The following GRHL2 variants were observed in gnomAD, a reference collection of about 807,000 sequenced individuals.
GRHL2 encodes the protein grainyhead-like protein 2 homolog.
GRHL2 carries 21 observed loss-of-function variants against 83.8 expected under a neutral mutation model. The observed-to-expected ratio is 0.25, with a 90% CI of 0.18 to 0.36. The LOEUF (loss-of-function observed/expected upper bound fraction) is 0.36, where lower values mean the gene tolerates loss of function less well. Among genes scored for constraint, GRHL2 ranks in the 10% least tolerant of loss-of-function variants. The pLI, the probability that GRHL2 is intolerant of heterozygous loss-of-function variation, is 1.00. For synonymous variants in GRHL2, 280 were observed against 278.9 expected (o/e 1.00, Z -0.04); for missense variants, 623 against 781.8 (o/e 0.80, Z 2.42).
chr8:101,674,480 C>A (rs1814260782), downstream of GRHL2, among the ~76,000 whole-genome samples: 1 of 152,124 alleles, frequency 6.6e-6, no homozygotes, highest in South Asian at 2.1e-4. Flanking sequence ...AATTCCTCGA[C>A]ACATACACCC....
chr8:101,639,711 G>A (rs1416826911), intron 12 of GRHL2, among the ~76,000 whole-genome samples: 2 of 152,188 alleles, frequency 1.3e-5, no homozygotes, highest in Non-Finnish European at 2.9e-5. Flanking sequence ...GACCTAGATT[G>A]TGACAAGCCC....
At chr8:101,603,826 G>C (rs962386344) in intron 8 of GRHL2, among the ~76,000 whole-genome samples, 1 of 152,036 alleles carries the variant, frequency 6.6e-6, no homozygotes, top group Non-Finnish European at 1.5e-5. Flanking sequence ...TATCTAGGAG[G>C]ACAAGGTTCT....
chr8:101,593,263 C>A (rs1812324873), intron 7 of GRHL2, among the ~76,000 whole-genome samples: 1 of 152,130 alleles, frequency 6.6e-6, no homozygotes, highest in Non-Finnish European at 1.5e-5. Flanking sequence ...TTTTTTTAAA[C>A]CTGTTTCAGC....
At chr8:101,613,054 G>C (rs1164726227) in intron 8 of GRHL2, among the ~76,000 whole-genome samples, 2 of 150,900 alleles carry the variant, frequency 1.3e-5, no homozygotes, top group African/African-American at 2.5e-5. Context: ...GGTCAAGGCA[G>C]GTATTTCCGA....
intron 7 of GRHL2, among the ~76,000 whole-genome samples, chr8:101,582,094 C>T (rs575004685): frequency 2.6e-4 from 40 of 152,132 alleles, no homozygotes; most frequent in African/African-American, 7.2e-4. Flanking sequence ...AAAAATTAGC[C>T]GGACGTGGTG....
intron 11 of GRHL2, 69 bp from the exon 12 acceptor site, chr8:101,636,828 G>C (rs1040148206): frequency 1.4e-6 from 2 of 1,383,560 alleles, no homozygotes; most frequent in Non-Finnish European, 1.0e-6. Context: ...AGGAAAGTCT[G>C]TACATCACGT....
At chr8:101,643,352 T>C (rs955550212) in intron 12 of GRHL2, among the ~76,000 whole-genome samples, 1 of 138,800 alleles carries the variant, frequency 7.2e-6, no homozygotes, top group African/African-American at 2.8e-5. Flanking sequence ...TTCTATCCTC[T>C]TAGTTTCTGT....
chr8:101,546,205 TTAATA>T, intron 2 of GRHL2, among the ~76,000 whole-genome samples: 1 of 152,276 alleles, frequency 6.6e-6, no homozygotes, highest in Middle Eastern at 3.4e-3. Context: ...TAATGTTAAA[TTAATA>T]TGTCAGTTAA....
chr8:101,674,266 G>A (rs567739320), downstream of GRHL2, among the ~76,000 whole-genome samples: 1 of 152,094 alleles, frequency 6.6e-6, no homozygotes, highest in Non-Finnish European at 1.5e-5. Context: ...AATGAATCCA[G>A]GAGCTGGTCT....
intron 8 of GRHL2, among the ~76,000 whole-genome samples, chr8:101,605,601 A>G (rs1481314824): frequency 6.6e-6 from 1 of 152,160 alleles, no homozygotes; most frequent in South Asian, 2.1e-4. Flanking sequence ...CCCCACAAAG[A>G]TGGGCCTGCT....
At chr8:101,519,123 ATC>A (rs1356725816) in intron 1 of GRHL2, among the ~76,000 whole-genome samples, 1 of 151,634 alleles carries the variant, frequency 6.6e-6, no homozygotes, top group African/African-American at 2.4e-5. Flanking sequence ...TTCACCTGAA[ATC>A]TCTACTCATT....
At chr8:101,674,763 A>G in the GRHL2 span, among the ~76,000 whole-genome samples, 16 of 152,170 alleles carry the variant, frequency 1.1e-4, no homozygotes, top group Non-Finnish European at 2.2e-4. Flanking sequence ...CAAAAAAGGG[A>G]ATTTTAGACC....
chr8:101,611,935 A>G (rs2130349850), intron 8 of GRHL2, among the ~76,000 whole-genome samples: 1 of 150,944 alleles, frequency 6.6e-6, no homozygotes, highest in Admixed American at 6.6e-5. Flanking sequence ...TCCTGTCTCA[A>G]GACTCCTACA....
At chr8:101,518,737 C>T (rs1810622176) in intron 1 of GRHL2, among the ~76,000 whole-genome samples, 1 of 152,194 alleles carries the variant, frequency 6.6e-6, no homozygotes, top group Admixed American at 6.5e-5. Context: ...TCTTTTCTCC[C>T]ATACTAGAAA....
At chr8:101,556,296 G>A (rs1053508108) in intron 3 of GRHL2, among the ~76,000 whole-genome samples, 3 of 152,078 alleles carry the variant, frequency 2.0e-5, no homozygotes, top group South Asian at 2.1e-4. Flanking sequence ...CTCACAATGA[G>A]AGATGCCACA....
intron 1 of GRHL2, among the ~76,000 whole-genome samples, chr8:101,502,212 A>G (rs1182952138): frequency 6.6e-6 from 1 of 152,210 alleles, no homozygotes; most frequent in Non-Finnish European, 1.5e-5. Context: ...CATCTGTAAA[A>G]TGGAATTGAA....
At chr8:101,501,882 CT>C (rs143089829) in intron 1 of GRHL2, among the ~76,000 whole-genome samples, 240 of 144,306 alleles carry the variant, frequency 1.7e-3, no homozygotes, top group African/African-American at 4.7e-3. Flanking sequence ...AAAAAACATG[CT>C]TTTTTTTTTT....
chr8:101,533,278 C>T (rs112829557), intron 1 of GRHL2, among the ~76,000 whole-genome samples: 3 of 152,274 alleles, frequency 2.0e-5, no homozygotes, highest in African/African-American at 7.2e-5. Context: ...CACTTTATAG[C>T]TCAAAACCAA....
intron 1 of GRHL2, among the ~76,000 whole-genome samples, chr8:101,503,879 T>C (rs1314238969): frequency 6.6e-6 from 1 of 152,208 alleles, no homozygotes; most frequent in Non-Finnish European, 1.5e-5. Context: ...AACAGTGGTT[T>C]TCTCTCTTAA....
Sources: gnomAD v4.1 joint callset for allele counts (sites outside exome capture counted in the v4.1 genomes callset) on GRCh38, gnomAD v4.1.1 for gene constraint, MANE v1.5 for transcripts, NCBI Gene and HGNC (gene_info 2026-07-23, HGNC 2026-07-21) for gene names.